The following NBPF11 variants were observed in gnomAD, a reference collection of about 807,000 sequenced individuals.
NBPF11 encodes NBPF family member NBPF11.
A neutral mutation model predicts 93.9 loss-of-function variants in NBPF11; 72 were observed. The ratio of observed to expected loss-of-function variants is 0.77; its 90% confidence interval spans 0.63 to 0.93. The LOEUF (loss-of-function observed/expected upper bound fraction) is 0.93. Among genes scored for constraint, NBPF11 ranks in the 40% least tolerant of loss-of-function variants. NBPF11 has a pLI of 0.00. For synonymous variants in NBPF11, 224 were observed against 304.9 expected (o/e 0.73, Z 2.76); for missense variants, 705 against 802.2 (o/e 0.88, Z 1.46).
chr1:148,125,309 C>A (rs1668852747), intron 5 of NBPF11, among the ~76,000 whole-genome samples: 1 of 151,940 alleles, frequency 6.6e-6, no homozygotes, highest in East Asian at 1.9e-4. Context: ...GGGCCACTTT[C>A]CCAAGCCTTG....
rs1662555440 is a variant in NBPF11, at chr1:148,102,451, G to T, written c.*1445C>A. 1 of 151,854 alleles carries T rather than the reference G, an allele frequency of 6.6e-6. No homozygotes were observed. 9.4% of individuals were successfully genotyped at this position (151,854 alleles called of 1,614,324 possible). A position where few individuals can be genotyped will look rare whatever the true frequency, so the allele number is the denominator to read the frequency against. The stretch of plus-strand genomic sequence containing the variant: ...AAGTAAGGTGTCTCTAAAAGGGACA[G>T]ATCTCCTAGACCCCTCCTTAACCAA... On this transcript the variant is annotated 3_prime_UTR_variant, in exon 24 of 24. Transcript: ENST00000682118.
intron 10 of NBPF11, among the ~76,000 whole-genome samples, chr1:148,120,070 G>A (rs1667476012): frequency 6.6e-6 from 1 of 151,342 alleles, no homozygotes; most frequent in African/African-American, 2.4e-5. Flanking sequence ...TTCCCTCAGA[G>A]TCACTAGAAC....
rs1668175552 is a variant in NBPF11, at chr1:148,122,789, T to C, written c.506A>G (p.Asp169Gly). 3 of 1,609,940 alleles carry C rather than the reference T, an allele frequency of 1.9e-6. No individual in the cohort carries two copies. Among genetic ancestry groups the C allele is most frequent in the South Asian group, 1.1e-5 (1 of 90,940 alleles). The stretch of plus-strand genomic sequence containing the variant: ...CTCAACTTGAACATCTTCATCCTCA[T>C]CTTCGTCATTTTCTATAAATACAAA... The part of the protein sequence containing the change: ...VQKLSPENDE[D>G]EDEDVQVEED... Residue 169 changes from aspartate (D) to glycine (G), a missense_variant, in exon 8 of 24, where the codon GAT (aspartate) becomes GGT (glycine). Transcript: ENST00000682118.
Position 148,103,803 on chromosome 1 carries a change from G to A in NBPF11, c.*93C>T. 6.2e-7 allele frequency: 1 copy of A among 1,611,864 alleles called. No homozygotes were observed. The highest frequency in any genetic ancestry group is 8.5e-7 in the Non-Finnish European group (1 of 1,179,466). ...AATGAGTAAAACACACTTCTGTAGT[G>A]CTGGAATGAGTCAGGTAGTTCAAAG... On this transcript the variant is annotated 3_prime_UTR_variant, in exon 24 of 24. Coordinates refer to ENST00000682118, the MANE Select transcript of NBPF11 (RefSeq NM_001385469.3).
chr1:148,141,295 G>A lies in NBPF11; in HGVS notation c.-277+2120C>T, dbSNP rs1280123057. On this transcript the variant is annotated intron_variant, in intron 2 of 23. Transcript: ENST00000682118. ...AGAATGAACTCTAATGTAAACTATG[G>A]ACTTTAGTTGATAATGATGTATCAA... Among the ~76,000 whole-genome samples, 194 of 152,076 alleles carry A rather than the reference G, an allele frequency of 1.3e-3. 1 individual carries two copies. The highest frequency in any genetic ancestry group is 0.01 in the Middle Eastern group (3 of 294).
At chr1:148,133,376 G>A (rs1670740015) in intron 4 of NBPF11, among the ~76,000 whole-genome samples, 1 of 151,944 alleles carries the variant, frequency 6.6e-6, no homozygotes, top group South Asian at 2.1e-4. Flanking sequence ...AGTAACAGCA[G>A]GTATTCTACT....
rs1247261246 is a variant in NBPF11 at position 148,123,758 on chromosome 1, A to G, written c.493+95T>C. The G allele has an allele frequency of 2.6e-5, 42 of 1,608,626 alleles. No individual in the cohort carries two copies. The East Asian group carries it at 8.5e-4, about 32-fold the overall frequency. On this transcript the variant is annotated intron_variant, in intron 7 of 23. Transcript: ENST00000682118. ...GGCCACATATGTGTAGTAGAAAAAA[A>G]CCCCACTGATACAACTGTCATTGTG... is the stretch of plus-strand genomic sequence containing the variant.
At chr1:148,122,875 G>A (rs1434747069) in intron 7 of NBPF11, 74 bp from the exon 8 acceptor site, 2 of 1,605,550 alleles carry the variant, frequency 1.2e-6, no homozygotes, top group Non-Finnish European at 1.7e-6. Flanking sequence ...AACGTGCACA[G>A]AGACATGAAT....
intron 4 of NBPF11, among the ~76,000 whole-genome samples, chr1:148,132,020 C>A (rs1267464793): frequency 7.8e-6 from 1 of 128,830 alleles, no homozygotes; most frequent in Non-Finnish European, 1.6e-5. Flanking sequence ...AGTGGAGCAT[C>A]TTTTCCTATG....
At chr1:148,126,355 A>T (rs1466176156) in intron 5 of NBPF11, among the ~76,000 whole-genome samples, 2 of 151,566 alleles carry the variant, frequency 1.3e-5, no homozygotes. Flanking sequence ...TATTAGGAGC[A>T]GACTCCTCTT....
chr1:148,121,107 C>A (rs1667719524), intron 9 of NBPF11, among the ~76,000 whole-genome samples: 1 of 151,710 alleles, frequency 6.6e-6, no homozygotes, highest in Admixed American at 6.6e-5. Flanking sequence ...TGCAGAGGCA[C>A]AATCTCAGCT....
rs1455978604 is a variant in NBPF11, at chr1:148,122,210, G to C, written c.623C>G (p.Ala208Gly). Residue 208 changes from alanine (A) to glycine (G), a missense_variant, in exon 9 of 24, where the codon GCC becomes GGC. Transcript: ENST00000682118. Reference sequence around the variant, plus strand: ...GCCGTGGCTATTTGAACAAGTGATGGCACATTCCTCCAGTGAGTCCTCAGG... The same window carrying C: ...GCCGTGGCTATTTGAACAAGTGATGCCACATTCCTCCAGTGAGTCCTCAGG... ...KVPEDSLEEC[A>G]ITCSNSHGPC... is the part of the protein sequence containing the mutation. The C allele has an allele frequency of 4.4e-4, 702 of 1,612,246 alleles. 18 individuals are homozygous for C. In the African/African-American group the frequency reaches 7.9e-3, roughly 18 times the overall value.
At position 148,115,942 on chromosome 1, in the gene NBPF11, G is replaced by A; in HGVS notation, c.1436C>T (p.Ala479Val). 2 of 1,587,272 alleles carry A rather than the reference G, an allele frequency of 1.3e-6. No individual in the cohort carries two copies. The highest frequency in any genetic ancestry group is 4.6e-5 in the East Asian group (2 of 43,914). Residue 479 changes from alanine to valine, a missense_variant, in exon 14 of 24, where the codon GCC becomes GTC. By Grantham distance (64) the Ala-to-Val change is moderately conservative (BLOSUM62 0). This residue lies in a region of NBPF11 where 54 missense variants were observed against 91.8 expected (regional missense o/e 0.59). Coordinates refer to ENST00000682118, the MANE Select transcript of NBPF11 (RefSeq NM_001385469.3). ...GCCATGGCTATTTGAACAAGTGATG[G>A]CACACTCCTCCAGTGAGTCCTCAGG... ...EVPEDSLEEC[A>V]ITCSNSHGPY...
At chr1:148,129,337 AG>A (rs1669890251) in intron 4 of NBPF11, among the ~76,000 whole-genome samples, 1 of 148,232 alleles carries the variant, frequency 6.7e-6, no homozygotes, top group Non-Finnish European at 1.5e-5. Context: ...TTCTTTTTTA[AG>A]TGGCGGAGCG....
intron 2 of NBPF11, among the ~76,000 whole-genome samples, chr1:148,141,226 A>G (rs1672112350): frequency 2.0e-5 from 3 of 152,044 alleles, no homozygotes; most frequent in Admixed American, 1.3e-4. Context: ...TTGAGGATTT[A>G]GGACATTACG....
Position 148,126,237 on chromosome 1 carries a change from C to A in NBPF11, c.175+592G>T, listed in dbSNP as rs1318560623. On this transcript the variant is annotated intron_variant, in intron 5 of 23. Coordinates refer to ENST00000682118, the MANE Select transcript of NBPF11 (RefSeq NM_001385469.3). The stretch of plus-strand genomic sequence containing the variant: ...GCTAGTCTCAAACTGCTGACCTCGT[C>A]CTCTGCCCGCCTCAGCCTCCCAAAG... Among the ~76,000 whole-genome samples the A allele has an allele frequency of 3.5e-5, 5 of 141,828 alleles. No homozygotes were observed. In the East Asian group the frequency reaches 6.5e-4, roughly 18 times the overall value. 93.0% of individuals were successfully genotyped at this position (141,828 alleles called of 152,430 possible). A position where few individuals can be genotyped will look rare whatever the true frequency, so the allele number is the denominator to read the frequency against.
chr1:148,131,525 T>C (rs1366272885), intron 4 of NBPF11, among the ~76,000 whole-genome samples: 1 of 147,558 alleles, frequency 6.8e-6, no homozygotes, highest in Non-Finnish European at 1.5e-5. Flanking sequence ...TAATCACTTA[T>C]GTATTTAGAT....
chr1:148,120,856 T>C (rs1667656324), intron 9 of NBPF11, 146 bp from the exon 10 acceptor site: 2 of 711,282 alleles, frequency 2.8e-6, no homozygotes, highest in Admixed American at 2.1e-5. Flanking sequence ...ATCTCCAGTC[T>C]TGATCTCCTT....
chr1:148,143,296 T>G (rs1367323322), intron 2 of NBPF11, 119 bp downstream of exon 2: 1 of 592,470 alleles, frequency 1.7e-6, no homozygotes, highest in Non-Finnish European at 2.3e-6. Context: ...AATATCTGTT[T>G]GATGCCAGGC....
Sources: allele counts gnomAD v4.1 joint callset (sites outside exome capture counted in the v4.1 genomes callset), GRCh38; gene constraint gnomAD v4.1.1; regional missense constraint gnomAD v4.1.1; transcripts MANE v1.5; gene names NCBI Gene and HGNC (gene_info 2026-07-23, HGNC 2026-07-21).